The following SYTL1 variants were observed in gnomAD, a reference collection of about 807,000 sequenced individuals.
SYTL1 encodes the protein synaptotagmin like 1.
Under a neutral mutation model 74.6 loss-of-function variants are expected in SYTL1, and 53 were observed. The ratio of observed to expected loss-of-function variants is 0.71; its 90% CI spans 0.57 to 0.89. The LOEUF (loss-of-function observed/expected upper bound fraction) is 0.89. Ranked by LOEUF, SYTL1 falls within the 40% of genes least tolerant of loss-of-function variation. SYTL1 has a pLI of 0.00. For synonymous variants in SYTL1, 329 were observed against 324.9 expected, an observed-to-expected ratio of 1.01 and a Z score of -0.14; for missense variants, 728 against 768.7, an observed-to-expected ratio of 0.95 and a Z score of 0.63.
At chr1:27,349,608 G>A in intron 7 of SYTL1, 44 bp from the exon 8 acceptor site, 1 of 1,562,046 alleles carries the variant, frequency 6.4e-7, no homozygotes, top group Admixed American at 1.9e-5. Context: ...CTCGGGGCAG[G>A]GGTGGGGAAA....
rs897325472 is a variant in SYTL1 at position 27,348,435 on chromosome 1, G to A, written c.459+423G>A. Reference sequence around the variant, plus strand: ...TATAAAAAATAAATAAAAAAAAAAGGCCGGTCGTGGCAGCTCACGCCTATA... The same window carrying A: ...TATAAAAAATAAATAAAAAAAAAAGACCGGTCGTGGCAGCTCACGCCTATA... On this transcript the variant is annotated intron_variant, in intron 5 of 14. Transcript: ENST00000616558. The surrounding 1 kb of genome is among the most constrained non-coding windows in gnomAD (Gnocchi z 4.1). Among the ~76,000 whole-genome samples the A allele has an allele frequency of 6.6e-6, 1 of 151,724 alleles. No homozygotes were observed. The highest frequency in any genetic ancestry group is 2.4e-5 in the African/African-American group (1 of 41,246).
Position 27,347,696 on chromosome 1 carries a change from G to A in SYTL1, c.341-112G>A. The A allele has an allele frequency of 1.3e-6, 2 of 1,483,838 alleles. No homozygotes were observed. The highest frequency in any genetic ancestry group is 1.8e-6 in the Non-Finnish European group (2 of 1,091,240). 91.9% of individuals were successfully genotyped at this position (1,483,838 alleles called of 1,614,324 possible). On this transcript the variant is annotated intron_variant, in intron 3 of 14. Coordinates refer to ENST00000616558, the MANE Select transcript of SYTL1 (RefSeq NM_001193308.2). This position sits in a 1 kb window ranked among gnomAD's most constrained non-coding sequence, Gnocchi z 4.9. ...CCCCAGTACTGTGTGTCTTTCAGTGGGCAATGCCCCTCCGTGGGCATGGGG... is the reference window on the plus strand; with the variant it reads ...CCCCAGTACTGTGTGTCTTTCAGTGAGCAATGCCCCTCCGTGGGCATGGGG...
Position 27,349,727 on chromosome 1 carries a change from A to T in SYTL1, c.709A>T (p.Ser237Cys), listed in dbSNP as rs370701803. 1.9e-5 allele frequency: 31 copies of T among 1,609,748 alleles called. No individual in the cohort carries two copies. The highest frequency in any genetic ancestry group is 2.5e-5 in the Non-Finnish European group (30 of 1,179,348). ...GPDPSLDRMLSSSSSVSSLNS... is the reference protein window; with the variant it reads ...GPDPSLDRMLCSSSSVSSLNS... ...CGACCCCTCTCTCGACCGCATGCTC[A>T]GCAGCAGCTCCTCGGTGTCCAGCCT... Residue 237 changes from serine (S) to cysteine (C), a missense_variant, in exon 8 of 15, where the codon AGC becomes TGC. Ser to Cys is a moderately radical substitution (Grantham distance 112). Transcript: ENST00000616558.
rs1442374681 is a variant in SYTL1 at position 27,353,806 on chromosome 1, T to C, written c.1643T>C (p.Val548Ala). Residue 548 changes from valine to alanine, a missense_variant, in exon 15 of 15, where the codon GTG becomes GCG. Transcript: ENST00000616558. ...QALLEQPCEW[V>A]DGLLPLRTNL... is the part of the protein sequence containing the mutation. ...CTCCTGGAGCAGCCGTGCGAATGGG[T>C]GGATGGCCTTCTACCCCTCAGAACC... The C allele has an allele frequency of 6.2e-7, 1 of 1,613,740 alleles. No homozygotes were observed. Among genetic ancestry groups the C allele is most frequent in the Admixed American group, 1.7e-5 (1 of 59,978 alleles).
At position 27,351,030 on chromosome 1, in the gene SYTL1, CCT is replaced by C; in HGVS notation, c.1164+80_1164+81del. 3 of 1,533,098 alleles carry C rather than the reference CCT, an allele frequency of 2.0e-6. No homozygotes were observed. The highest frequency in any genetic ancestry group is 2.7e-6 in the Non-Finnish European group (3 of 1,124,612). The allele number at this position is 1,533,098 out of a possible 1,614,324, so 95.0% of individuals were successfully genotyped here. A position where few individuals can be genotyped will look rare whatever the true frequency, so the allele number is the denominator to read the frequency against. On this transcript the variant is annotated intron_variant, in intron 11 of 14. Transcript: ENST00000616558. This position sits in a 1 kb window ranked among gnomAD's most constrained non-coding sequence, Gnocchi z 5.0. Reference sequence around the variant, plus strand: ...ACCCCACCAGGCTCTCCCGCAGCCCCCTCACACCCCGCCTTCGACAGAACCTC... The same window carrying C: ...ACCCCACCAGGCTCTCCCGCAGCCCCCACACCCCGCCTTCGACAGAACCTC...
Position 27,353,503 on chromosome 1 carries a change from A to ACCCTGAGACAGG in SYTL1, c.1549+21_1549+32dup, listed in dbSNP as rs1237125545. ...CCTGGGCACCGGTAAGTGGGACAGC[A>ACCCTGAGACAGG]CCCTGAGACAGGCCCTGGGACAGGC... On this transcript the variant is annotated intron_variant, in intron 14 of 14. Transcript: ENST00000616558. The ACCCTGAGACAGG allele has an allele frequency of 6.3e-7, 1 of 1,585,496 alleles. No homozygotes were observed. Among genetic ancestry groups the ACCCTGAGACAGG allele is most frequent in the Admixed American group, 1.8e-5 (1 of 55,130 alleles).
chr1:27,350,494 G>T lies in SYTL1; in HGVS notation c.1005+9G>T, dbSNP rs1353008857. On this transcript the variant is annotated intron_variant, in intron 10 of 14. Coordinates refer to ENST00000616558, the MANE Select transcript of SYTL1 (RefSeq NM_001193308.2). This position sits in a 1 kb window ranked among gnomAD's most constrained non-coding sequence, Gnocchi z 6.3. ...TCAACGAGACTCTCCGGGTGAGGCT[G>T]TGACCACGATGCGGTTCCCCGTTAA... The T allele has an allele frequency of 6.2e-7, 1 of 1,607,352 alleles. No individual in the cohort carries two copies. The highest frequency in any genetic ancestry group is 1.7e-5 in the Admixed American group (1 of 59,990).
Position 27,350,181 on chromosome 1 carries a change from A to G in SYTL1, c.908+49A>G, listed in dbSNP as rs2015199380. ...GGGCGCGGCTGTCACAGCCCAGCCC[A>G]CCATTCACAGGGTCTCGGCCTCCTC... On this transcript the variant is annotated intron_variant, in intron 9 of 14. Coordinates refer to ENST00000616558, the MANE Select transcript of SYTL1 (RefSeq NM_001193308.2). The surrounding 1 kb of genome is among the most constrained non-coding windows in gnomAD (Gnocchi z 6.3). 3 of 1,451,970 alleles carry G rather than the reference A, an allele frequency of 2.1e-6. No homozygotes were observed. Among genetic ancestry groups the G allele is most frequent in the Non-Finnish European group, 2.7e-6 (3 of 1,098,172 alleles). 89.9% of individuals were successfully genotyped at this position (1,451,970 alleles called of 1,614,324 possible).
chr1:27,353,132 CA>C, intron 13 of SYTL1, 150 bp from the exon 14 acceptor site: 1 of 760,968 alleles, frequency 1.3e-6, no homozygotes. Context: ...GAGGCTGGTG[CA>C]AAGGTCCCAG....
At chr1:27,352,610 T>A (rs1428366816) in intron 13 of SYTL1, 1 of 152,052 alleles carries the variant, frequency 6.6e-6, no homozygotes, top group African/African-American at 2.4e-5. Context: ...TGCCTCAGCC[T>A]CCTGAGTAGC....
chr1:27,349,109 C>G lies in SYTL1; in HGVS notation c.489C>G (p.Pro163=), dbSNP rs761281914. Residue 163 remains proline (P), a synonymous_variant, in exon 6 of 15, where the codon CCC becomes CCG. Coordinates refer to ENST00000616558, the MANE Select transcript of SYTL1 (RefSeq NM_001193308.2). ...EGPDFPSPSV[P]LKASDPEEAS... ...CTGATTTCCCATCGCCTTCTGTCCC[C>G]CTAAAGGCTTCAGATCCTGAGGAGG... 4 of 1,614,094 alleles carry G rather than the reference C, an allele frequency of 2.5e-6. No individual in the cohort carries two copies. Among genetic ancestry groups the G allele is most frequent in the Non-Finnish European group, 3.4e-6 (4 of 1,179,950 alleles).
In SYTL1 at chr1:27,342,452, C is replaced by T. The variant is rs922247964; in HGVS notation, c.-39+302C>T. ...GGACGCTGGGCTGATGCCCATGGCC[C>T]AGCTCAGGCAGGCCTGAAGGACAGA... is the stretch of plus-strand genomic sequence containing the variant. On this transcript the variant is annotated intron_variant, in intron 1 of 14. Transcript: ENST00000616558. This position sits in a 1 kb window ranked among gnomAD's most constrained non-coding sequence, Gnocchi z 4.7. 13 of 475,676 alleles carry T rather than the reference C, an allele frequency of 2.7e-5. No individual in the cohort carries two copies. Among genetic ancestry groups the T allele is most frequent in the South Asian group, 1.8e-4 (2 of 11,180 alleles). 29.5% of individuals were successfully genotyped at this position (475,676 alleles called of 1,614,324 possible).
chr1:27,346,271 C>T (rs2015000226), intron 2 of SYTL1, among the ~76,000 whole-genome samples: 1 of 152,196 alleles, frequency 6.6e-6, no homozygotes, highest in African/African-American at 2.4e-5. Context: ...GCTCCCCAGT[C>T]CCTGAACCCA....
rs955696869 is a variant in SYTL1 at position 27,343,801 on chromosome 1, G to C, written c.-38-1496G>C. ...ACCCAGTTAGCCGGGCAATGTATGTGTGCCAAAGTCTGTATGATTTTTATG... is the reference window on the plus strand; with the variant it reads ...ACCCAGTTAGCCGGGCAATGTATGTCTGCCAAAGTCTGTATGATTTTTATG... On this transcript the variant is annotated intron_variant, in intron 1 of 14. Coordinates refer to ENST00000616558, the MANE Select transcript of SYTL1 (RefSeq NM_001193308.2). This position sits in a 1 kb window ranked among gnomAD's most constrained non-coding sequence, Gnocchi z 5.2. Among the ~76,000 whole-genome samples, 2 of 152,184 alleles carry C rather than the reference G, an allele frequency of 1.3e-5. No homozygotes were observed. The highest frequency in any genetic ancestry group is 4.8e-5 in the African/African-American group (2 of 41,440).
In SYTL1 at chr1:27,345,528, A is replaced by G. The variant is rs752704879; in HGVS notation, c.191+3A>G. 42 of 1,546,402 alleles carry G rather than the reference A, an allele frequency of 2.7e-5. No individual in the cohort carries two copies. The highest frequency in any genetic ancestry group is 3.5e-5 in the Non-Finnish European group (40 of 1,144,132). ...CAGCTGGAGGAGGGGCGGGTCAGGT[A>G]AGGCAGGGCAGACCCTGGCCGGGGA... On this transcript the variant is annotated splice_donor_region_variant and intron_variant, in intron 2 of 14. Coordinates refer to ENST00000616558, the MANE Select transcript of SYTL1 (RefSeq NM_001193308.2). The surrounding 1 kb of genome is among the most constrained non-coding windows in gnomAD (Gnocchi z 6.0).
At chr1:27,344,257 C>T (rs894661064) in intron 1 of SYTL1, among the ~76,000 whole-genome samples, 3 of 152,106 alleles carry the variant, frequency 2.0e-5, no homozygotes, top group African/African-American at 7.2e-5. Context: ...GCATGCACCA[C>T]CATGCCCGGC....
rs1267952221 is a variant in SYTL1, at chr1:27,349,104, G to C, written c.484G>C (p.Val162Leu). Residue 162 changes from valine to leucine, a missense_variant, in exon 6 of 15, where the codon GTC becomes CTC. Physicochemically the swap from Val to Leu is conservative, Grantham distance 32. Transcript: ENST00000616558. Reference sequence around the variant, plus strand: ...GGGACCTGATTTCCCATCGCCTTCTGTCCCCCTAAAGGCTTCAGATCCTGA... The same window carrying C: ...GGGACCTGATTTCCCATCGCCTTCTCTCCCCCTAAAGGCTTCAGATCCTGA... Reference protein sequence around the residue: ...TEGPDFPSPSVPLKASDPEEA... With the variant: ...TEGPDFPSPSLPLKASDPEEA... 3 of 1,613,854 alleles carry C rather than the reference G, an allele frequency of 1.9e-6. No individual in the cohort carries two copies. Among genetic ancestry groups the C allele is most frequent in the Non-Finnish European group, 2.5e-6 (3 of 1,179,914 alleles).
chr1:27,353,618 G>A (rs757846000), intron 14 of SYTL1, 95 bp from the exon 15 acceptor site: 65 of 1,556,918 alleles, frequency 4.2e-5, no homozygotes, highest in Middle Eastern at 2.3e-4. Flanking sequence ...GGGTGGTAAC[G>A]GGGGACAGTG....
Position 27,345,551 on chromosome 1 carries a change from G to C in SYTL1, c.191+26G>C. 6.7e-7 allele frequency: 1 copy of C among 1,501,750 alleles called. No homozygotes were observed. The highest frequency in any genetic ancestry group is 2.1e-4 in the Middle Eastern group (1 of 4,752). 93.0% of individuals were successfully genotyped at this position (1,501,750 alleles called of 1,614,324 possible). A position where few individuals can be genotyped will look rare whatever the true frequency, so the allele number is the denominator to read the frequency against. ...GTAAGGCAGGGCAGACCCTGGCCGGGGAGCACCAAGAGGCTTGAGTGGCCC... is the reference window on the plus strand; with the variant it reads ...GTAAGGCAGGGCAGACCCTGGCCGGCGAGCACCAAGAGGCTTGAGTGGCCC... On this transcript the variant is annotated intron_variant, in intron 2 of 14. Transcript: ENST00000616558. The surrounding 1 kb of genome is among the most constrained non-coding windows in gnomAD (Gnocchi z 6.0).
Sources: gnomAD v4.1 joint callset for allele counts (sites outside exome capture counted in the v4.1 genomes callset) on GRCh38, gnomAD v4.1.1 for gene constraint, Gnocchi (gnomAD v3.1) non-coding constraint, MANE v1.5 for transcripts, NCBI Gene and HGNC (gene_info 2026-07-23, HGNC 2026-07-21) for gene names.